BTAF1: variants seen among roughly 807,000 people sequenced by gnomAD.
BTAF1 encodes the protein TATA-binding protein-associated factor 172.
In BTAF1, 38 loss-of-function variants were observed where a neutral mutation model predicts 227.1. The observed-to-expected ratio is 0.17, with a 90% CI of 0.13 to 0.22. The LOEUF is 0.22. BTAF1 is among the 10% of genes least tolerant of loss of function. BTAF1 has a pLI of 1.00. For synonymous variants in BTAF1, 742 were observed against 751.9 expected (o/e 0.99, Z 0.21); for missense variants, 1,598 against 2,204.0 (o/e 0.73, Z 5.51).
chr10:91,962,779 CA>C, intron 12 of BTAF1, 101 bp downstream of exon 12: 1 of 1,133,222 alleles, frequency 8.8e-7, no homozygotes, highest in East Asian at 2.8e-5. Flanking sequence ...CCTTCATCTT[CA>C]ATTTTTTTTT....
In BTAF1 at chr10:91,996,428, G is replaced by A; in HGVS notation, c.3369G>A (p.Arg1123=). The part of the protein sequence containing the change: ...MCLQYPSTAV[R]HMAARCVGVM... ...TTCAATACCCCAGTACTGCAGTGAG[G>A]CACATGGCTGCTCGTTGTGTAGGTG... The change falls in exon 24 of 38, where the codon AGG becomes AGA. Residue 1123 remains arginine (R), a synonymous_variant. Coordinates refer to ENST00000265990, the MANE Select transcript of BTAF1 (RefSeq NM_003972.3). 1 of 1,614,130 alleles carries A rather than the reference G, an allele frequency of 6.2e-7. No individual in the cohort carries two copies. Among genetic ancestry groups the A allele is most frequent in the South Asian group, 1.1e-5 (1 of 91,068 alleles).
intron 4 of BTAF1, among the ~76,000 whole-genome samples, chr10:91,948,551 T>A (rs1348368443): frequency 6.7e-6 from 1 of 149,730 alleles, no homozygotes; most frequent in African/African-American, 2.5e-5. Flanking sequence ...TAATTTTTTA[T>A]TTTTTTTTCT....
At position 91,995,675 on chromosome 10, in the gene BTAF1, C is replaced by CA. The variant is rs966737149; in HGVS notation, c.3310-683dup. 5.1e-3 allele frequency among the ~76,000 whole-genome samples: 608 copies of CA among 118,982 alleles called. 3 individuals are homozygous for CA. Among genetic ancestry groups the CA allele is most frequent in the African/African-American group, 0.016 (507 of 31,682 alleles). 78.1% of individuals were successfully genotyped at this position (118,982 alleles called of 152,430 possible). ...TAGGCGACAGAGCGAGACTCAGTCT[C>CA]AAAAAAAAAAAGAAGGAAAAAAAAA... On this transcript the variant is annotated intron_variant, in intron 23 of 37. Transcript: ENST00000265990.
Position 91,987,482 on chromosome 10 carries a change from C to CA in BTAF1, c.2428-1661dup, listed in dbSNP as rs879456663. ...TGGGTGACAGAGTGAGACTTGGTCT[C>CA]AAAAAAAAAAAGAAAGTCTCATGTT... is the stretch of plus-strand genomic sequence containing the variant. On this transcript the variant is annotated intron_variant, in intron 19 of 37. Transcript: ENST00000265990. Among the ~76,000 whole-genome samples, 639 of 142,602 alleles carry CA rather than the reference C, an allele frequency of 4.5e-3. 2 individuals are homozygous for CA. The highest frequency in any genetic ancestry group is 0.014 in the African/African-American group (533 of 38,770). The allele number at this position is 142,602 out of a possible 152,430, so 93.6% of individuals were successfully genotyped here.
intron 11 of BTAF1, among the ~76,000 whole-genome samples, chr10:91,961,715 C>G (rs1393266158): frequency 6.6e-6 from 1 of 152,136 alleles, no homozygotes; most frequent in Non-Finnish European, 1.5e-5. Flanking sequence ...GAAATATTAT[C>G]CCTATTTCGT....
At chr10:91,926,941 C>CT (rs1348468710) in intron 1 of BTAF1, among the ~76,000 whole-genome samples, 1 of 152,120 alleles carries the variant, frequency 6.6e-6, no homozygotes, top group Non-Finnish European at 1.5e-5. Flanking sequence ...TTACCAAGTC[C>CT]TTTGTGATCT....
intron 1 of BTAF1, among the ~76,000 whole-genome samples, chr10:91,929,825 A>AT (rs34601068): frequency 0.27 from 41,522 of 152,040 alleles, 6,924 homozygotes; most frequent in Non-Finnish European, 0.38. Context: ...AAATGCTGGG[A>AT]TTACAAGCAT....
chr10:92,013,523 A>G, intron 30 of BTAF1, 144 bp from the exon 31 acceptor site: 2 of 1,080,234 alleles, frequency 1.9e-6, no homozygotes, highest in East Asian at 2.5e-5. Flanking sequence ...TACACACTAA[A>G]ATAAAGACTT....
intron 28 of BTAF1, 93 bp downstream of exon 28, chr10:92,009,301 T>C (rs565638069): frequency 3.1e-4 from 421 of 1,347,068 alleles, no homozygotes; most frequent in Admixed American, 7.7e-4. Context: ...TCTAATTAGC[T>C]CTTTTGGTTG....
chr10:91,935,794 T>G lies in BTAF1; in HGVS notation c.138+14T>G, dbSNP rs1448228293. On this transcript the variant is annotated intron_variant, in intron 2 of 37. Transcript: ENST00000265990. ...CTCCTGTCTAAAGTAAGAACTTTTT[T>G]TTTTCTTTTAGCATAATACAATTGT... 6.3e-7 allele frequency: 1 copy of G among 1,592,980 alleles called. No homozygotes were observed. Among genetic ancestry groups the G allele is most frequent in the Non-Finnish European group, 8.6e-7 (1 of 1,168,542 alleles).
chr10:91,947,364 G>A (rs1054561576), intron 4 of BTAF1, among the ~76,000 whole-genome samples: 4 of 151,742 alleles, frequency 2.6e-5, no homozygotes, highest in Non-Finnish European at 5.9e-5. Context: ...TTATTTTATC[G>A]ATTTTGAGTT....
chr10:91,966,606 A>C (rs375490379), intron 13 of BTAF1, 31 bp from the exon 14 acceptor site: 39 of 1,607,194 alleles, frequency 2.4e-5, no homozygotes, highest in Non-Finnish European at 3.1e-5. Flanking sequence ...AACTTAGAAT[A>C]AGTAAGATTA....
At position 92,013,780 on chromosome 10, in the gene BTAF1, T is replaced by C. The variant is rs1850522626; in HGVS notation, c.4425T>C (p.Ala1475=). 1.2e-6 allele frequency: 2 copies of C among 1,614,034 alleles called. No individual in the cohort carries two copies. Among genetic ancestry groups the C allele is most frequent in the Non-Finnish European group, 1.7e-6 (2 of 1,180,018 alleles). The part of the protein sequence containing the change: ...YGKPILASRD[A]RSSSREQEAG... ...AACCTATATTAGCAAGTAGGGATGC[T>C]CGAAGCTCCAGTCGAGAGCAAGAAG... Residue 1475 remains alanine, a synonymous_variant, in exon 31 of 38, where the codon GCT becomes GCC. Transcript: ENST00000265990.
intron 33 of BTAF1, 56 bp from the exon 34 acceptor site, chr10:92,018,727 A>G: frequency 1.5e-6 from 2 of 1,343,758 alleles, no homozygotes; most frequent in Non-Finnish European, 2.0e-6. Context: ...TACAGAGATA[A>G]AAATATTTGT....
intron 25 of BTAF1, among the ~76,000 whole-genome samples, chr10:92,004,067 C>T (rs1849723332): frequency 6.6e-6 from 1 of 151,958 alleles, no homozygotes; most frequent in African/African-American, 2.4e-5. Flanking sequence ...AGGTCCTCTG[C>T]CCATTTTTAC....
At chr10:91,959,764 A>G in intron 9 of BTAF1, 21 bp from the exon 10 acceptor site, 1 of 457,952 alleles carries the variant, frequency 2.2e-6, no homozygotes, top group Non-Finnish European at 3.5e-6. Flanking sequence ...ATATATATAT[A>G]TATATATTAT....
intron 4 of BTAF1, among the ~76,000 whole-genome samples, chr10:91,948,199 C>T: frequency 7.0e-6 from 1 of 141,970 alleles, no homozygotes; most frequent in South Asian, 2.3e-4. Context: ...CGACGTTCCT[C>T]CCCCTGTGTC....
chr10:91,992,527 A>G (rs1215442612), intron 21 of BTAF1, among the ~76,000 whole-genome samples: 3 of 152,186 alleles, frequency 2.0e-5, no homozygotes, highest in Admixed American at 2.0e-4. Context: ...CTTCCTAGGC[A>G]AGACAGCCTT....
Position 91,923,976 on chromosome 10 carries a change from G to A in BTAF1, c.-101G>A. On this transcript the variant is annotated 5_prime_UTR_variant, in exon 1 of 38. Transcript: ENST00000265990. ...CACGCCGCACCGGCCGCTCCCCTGT[G>A]CTCCGCGGCCTGGGCCTGCGCCGCT... 6.9e-7 allele frequency: 1 copy of A among 1,442,162 alleles called. No individual in the cohort carries two copies. The allele number at this position is 1,442,162 out of a possible 1,614,324, so 89.3% of individuals were successfully genotyped here.
Sources: gnomAD v4.1 joint callset for allele counts (sites outside exome capture counted in the v4.1 genomes callset) on GRCh38, gnomAD v4.1.1 for gene constraint, MANE v1.5 for transcripts, NCBI Gene and HGNC (gene_info 2026-07-23, HGNC 2026-07-21) for gene names.